Variants in ATRNL1 observed in about 807,000 individuals in gnomAD.
ATRNL1 encodes the protein attractin like 1.
Under a neutral mutation model 182.7 loss-of-function variants are expected in ATRNL1, and 95 were observed. The observed-to-expected ratio is 0.52, with a 90% CI of 0.44 to 0.62. The LOEUF (loss-of-function observed/expected upper bound fraction) is 0.62. Among genes scored for constraint, ATRNL1 ranks in the 20% least tolerant of loss-of-function variants. The probability of loss-of-function intolerance (pLI) is 0.00; values close to 1 mark genes in which losing one functional copy is unlikely to be tolerated. For missense variants in ATRNL1, 1,471 were observed against 1,679.5 expected, an observed-to-expected ratio of 0.88 and a Z score of 2.17; for synonymous variants, 576 against 568.3, an observed-to-expected ratio of 1.01 and a Z score of -0.19.
At chr10:115,577,612 G>GTGTGTGTC (rs1463230590) in intron 26 of ATRNL1, among the ~76,000 whole-genome samples, 12 of 64,652 alleles carry the variant, frequency 1.9e-4, no homozygotes, top group Admixed American at 7.1e-4. Context: ...CTAACAGGTT[G>GTGTGTGTC]TGTGTGTGTG....
chr10:115,691,245 G>A (rs1022050364), intron 26 of ATRNL1, among the ~76,000 whole-genome samples: 1 of 152,094 alleles, frequency 6.6e-6, no homozygotes, highest in Non-Finnish European at 1.5e-5. Flanking sequence ...CACAAACAAT[G>A]TACAAGGGTT....
intron 26 of ATRNL1, among the ~76,000 whole-genome samples, chr10:115,662,228 G>A (rs12764844): frequency 0.34 from 50,803 of 151,588 alleles, 10,754 homozygotes; most frequent in Non-Finnish European, 0.47. Flanking sequence ...GAATAGTGCC[G>A]CAATAAACAT....
At chr10:115,833,524 C>T (rs1950603377) in intron 27 of ATRNL1, among the ~76,000 whole-genome samples, 1 of 152,084 alleles carries the variant, frequency 6.6e-6, no homozygotes, top group Non-Finnish European at 1.5e-5. Flanking sequence ...AGAGTGTATG[C>T]TATGTTAAAC....
chr10:115,329,996 C>T (rs1386994999), intron 18 of ATRNL1, among the ~76,000 whole-genome samples: 1 of 152,060 alleles, frequency 6.6e-6, no homozygotes, highest in African/African-American at 2.4e-5. Flanking sequence ...GTGATTTTCT[C>T]TAGCAATATG....
intron 2 of ATRNL1, among the ~76,000 whole-genome samples, chr10:115,120,694 T>G (rs782332716): frequency 6.6e-6 from 1 of 152,112 alleles, no homozygotes; most frequent in Non-Finnish European, 1.5e-5. Context: ...TTTCAGTAAG[T>G]AGGGCTTGAA....
At chr10:115,523,675 T>A (rs1282645310) in intron 25 of ATRNL1, among the ~76,000 whole-genome samples, 24 of 152,304 alleles carry the variant, frequency 1.6e-4, no homozygotes, top group African/African-American at 5.5e-4. Flanking sequence ...TTCCAGTGAT[T>A]TCCTCATTTC....
At chr10:115,720,994 A>G (rs1947404713) in intron 26 of ATRNL1, among the ~76,000 whole-genome samples, 1 of 152,216 alleles carries the variant, frequency 6.6e-6, no homozygotes, top group South Asian at 2.1e-4. Flanking sequence ...GACAGCAGTA[A>G]GTTAATGATT....
intron 5 of ATRNL1, among the ~76,000 whole-genome samples, chr10:115,135,875 T>G (rs1845487642): frequency 6.6e-6 from 1 of 152,126 alleles, no homozygotes; most frequent in African/African-American, 2.4e-5. Flanking sequence ...TTTCTTTTTC[T>G]TGGAGATAGG....
chr10:115,450,857 G>A (rs1009015084), intron 21 of ATRNL1, among the ~76,000 whole-genome samples: 7 of 152,056 alleles, frequency 4.6e-5, no homozygotes, highest in Non-Finnish European at 8.8e-5. Context: ...GAGGCTTCAC[G>A]TTACCCAGCT....
intron 19 of ATRNL1, among the ~76,000 whole-genome samples, chr10:115,374,166 A>T (rs1857536839): frequency 6.6e-6 from 1 of 151,810 alleles, no homozygotes; most frequent in Non-Finnish European, 1.5e-5. Flanking sequence ...AATTGTGCAT[A>T]GTAGTCTCAT....
chr10:115,560,027 A>G (rs182055152), intron 26 of ATRNL1, among the ~76,000 whole-genome samples: 1 of 152,222 alleles, frequency 6.6e-6, no homozygotes, highest in African/African-American at 2.4e-5. Context: ...CTAATACACA[A>G]TTTTAGCAAG....
intron 27 of ATRNL1, among the ~76,000 whole-genome samples, chr10:115,764,318 T>C (rs1021681445): frequency 1.3e-5 from 2 of 152,150 alleles, no homozygotes; most frequent in African/African-American, 4.8e-5. Context: ...ATCATAATCA[T>C]CCAAAGTCCA....
intron 25 of ATRNL1, among the ~76,000 whole-genome samples, chr10:115,545,888 G>A (rs1408464265): frequency 2.6e-5 from 4 of 152,152 alleles, no homozygotes; most frequent in Non-Finnish European, 5.9e-5. Context: ...AAGTAATGGT[G>A]AAACAGAGAA....
chr10:115,144,876 ATCT>A (rs2143846088), intron 5 of ATRNL1, among the ~76,000 whole-genome samples: 1 of 150,778 alleles, frequency 6.6e-6, no homozygotes, highest in East Asian at 1.9e-4. Flanking sequence ...ATTTAGTAAA[ATCT>A]TCTGTTTGCA....
intron 27 of ATRNL1, among the ~76,000 whole-genome samples, chr10:115,773,549 G>A (rs1250222970): frequency 2.0e-5 from 3 of 152,070 alleles, no homozygotes; most frequent in African/African-American, 7.2e-5. Flanking sequence ...ATTCAGGTAT[G>A]GCTACGTAAT....
chr10:115,501,554 A>G (rs1849840215), intron 24 of ATRNL1, among the ~76,000 whole-genome samples: 1 of 152,194 alleles, frequency 6.6e-6, no homozygotes, highest in African/African-American at 2.4e-5. Context: ...AAATTAAAAC[A>G]GATTCTTATT....
intron 21 of ATRNL1, among the ~76,000 whole-genome samples, chr10:115,454,633 A>G (rs1847437767): frequency 1.3e-5 from 2 of 152,092 alleles, no homozygotes; most frequent in African/African-American, 4.8e-5. Context: ...AAGTTTATTT[A>G]TAAGTATTTT....
chr10:115,795,946 G>A (rs970820187), intron 27 of ATRNL1, among the ~76,000 whole-genome samples: 3 of 152,170 alleles, frequency 2.0e-5, no homozygotes, highest in Non-Finnish European at 4.4e-5. Context: ...GCCCCACACG[G>A]ATCCCTCCTT....
rs115667613 is a variant in ATRNL1, at chr10:115,819,269, T to C, written c.3904-28608T>C. Among the ~76,000 whole-genome samples the C allele has an allele frequency of 4.0e-3, 602 of 152,212 alleles. 8 individuals carry two copies. The highest frequency in any genetic ancestry group is 0.014 in the African/African-American group (575 of 41,540). On this transcript the variant is annotated intron_variant, in intron 27 of 28. Coordinates refer to ENST00000355044, the MANE Select transcript of ATRNL1 (RefSeq NM_207303.4). Reference sequence around the variant, plus strand: ...CATCTTAAATGAAGCATGTTCAAAATTGAACTCATTAACTTTAATATGTAC... The same window carrying C: ...CATCTTAAATGAAGCATGTTCAAAACTGAACTCATTAACTTTAATATGTAC...
Sources: gnomAD v4.1 joint callset for allele counts (sites outside exome capture counted in the v4.1 genomes callset) on GRCh38, gnomAD v4.1.1 for gene constraint, MANE v1.5 for transcripts, NCBI Gene and HGNC (gene_info 2026-07-23, HGNC 2026-07-21) for gene names.